The following CTNNA3 variants were observed in gnomAD, a reference collection of about 807,000 sequenced individuals.
CTNNA3 encodes the protein catenin alpha 3.
Under a neutral mutation model 95.7 loss-of-function variants are expected in CTNNA3, and 76 were observed. That is an observed-to-expected ratio of 0.79 (90% confidence interval 0.66 to 0.96). The LOEUF (loss-of-function observed/expected upper bound fraction) is 0.96. Among genes scored for constraint, CTNNA3 ranks in the 40% least tolerant of loss-of-function variants. CTNNA3 has a pLI of 0.00. For synonymous variants in CTNNA3, 431 were observed against 374.4 expected (o/e 1.15, Z -1.74); for missense variants, 1,191 against 1,089.8 (o/e 1.09, Z -1.31).
intron 7 of CTNNA3, among the ~76,000 whole-genome samples, chr10:67,059,577 C>G (rs1589677311): frequency 6.6e-6 from 1 of 152,190 alleles, no homozygotes; most frequent in Middle Eastern, 3.4e-3. Flanking sequence ...ATGACTGAGT[C>G]TTAAAGGATT....
chr10:66,718,176 C>T (rs551267402), intron 9 of CTNNA3, among the ~76,000 whole-genome samples: 27 of 151,072 alleles, frequency 1.8e-4, no homozygotes, highest in Admixed American at 1.5e-3. Flanking sequence ...CATTATCTAA[C>T]GCAGAATCCT....
chr10:67,426,565 CA>C (rs1275812894), intron 5 of CTNNA3, among the ~76,000 whole-genome samples: 1 of 151,980 alleles, frequency 6.6e-6, no homozygotes, highest in Admixed American at 6.6e-5. Flanking sequence ...GACAGAAAAC[CA>C]AACACCGCAT....
chr10:67,496,086 A>G (rs953176595), intron 5 of CTNNA3, among the ~76,000 whole-genome samples: 1 of 152,182 alleles, frequency 6.6e-6, no homozygotes, highest in Non-Finnish European at 1.5e-5. Context: ...TCTTATATCG[A>G]GCACCCTAGT....
chr10:67,336,086 A>G (rs1018332652), intron 5 of CTNNA3, among the ~76,000 whole-genome samples: 1 of 152,122 alleles, frequency 6.6e-6, no homozygotes, highest in Non-Finnish European at 1.5e-5. Context: ...GGCACCATGA[A>G]CAGCACCCAT....
chr10:66,581,793 T>C (rs1023686470), intron 10 of CTNNA3, among the ~76,000 whole-genome samples: 1 of 151,652 alleles, frequency 6.6e-6, no homozygotes, highest in Non-Finnish European at 1.5e-5. Flanking sequence ...GCTTCAGGTC[T>C]TTAGGTCTTT....
At chr10:66,240,118 G>T (rs2090040345) in intron 13 of CTNNA3, among the ~76,000 whole-genome samples, 1 of 151,826 alleles carries the variant, frequency 6.6e-6, no homozygotes, top group Non-Finnish European at 1.5e-5. Flanking sequence ...AATGGTAATT[G>T]ATATATCAGC....
intron 3 of CTNNA3, among the ~76,000 whole-genome samples, chr10:67,597,385 G>A (rs1362128928): frequency 8.5e-5 from 13 of 152,154 alleles, no homozygotes. Context: ...CATCTGTGTG[G>A]GTTGATGTTC....
At chr10:66,137,777 A>G (rs1388782375) in intron 13 of CTNNA3, among the ~76,000 whole-genome samples, 2 of 151,866 alleles carry the variant, frequency 1.3e-5, no homozygotes, top group Non-Finnish European at 2.9e-5. Flanking sequence ...CAAAATCCCG[A>G]CTCAACAAAA....
chr10:67,128,198 G>A (rs1006986363), intron 7 of CTNNA3, among the ~76,000 whole-genome samples: 1 of 152,000 alleles, frequency 6.6e-6, no homozygotes, highest in African/African-American at 2.4e-5. Context: ...ATTATTCTGG[G>A]TGTTTCTGTG....
intron 2 of CTNNA3, among the ~76,000 whole-genome samples, chr10:67,619,924 G>A (rs1018142950): frequency 2.0e-5 from 3 of 152,018 alleles, no homozygotes; most frequent in Non-Finnish European, 4.4e-5. Context: ...TAGAGAGAAG[G>A]TCAGCTTAGC....
At chr10:66,123,308 G>T (rs12769543) in intron 13 of CTNNA3, among the ~76,000 whole-genome samples, 1 of 152,224 alleles carries the variant, frequency 6.6e-6, no homozygotes, top group Admixed American at 6.5e-5. Context: ...AAACCTTAAA[G>T]CTCCAAAATG....
chr10:66,969,387 G>A (rs563060540), intron 7 of CTNNA3, among the ~76,000 whole-genome samples: 7 of 152,132 alleles, frequency 4.6e-5, no homozygotes, highest in African/African-American at 1.7e-4. Context: ...TAAAATGAAT[G>A]TGCAATAATT....
At chr10:66,220,697 G>C (rs1289376609) in intron 13 of CTNNA3, among the ~76,000 whole-genome samples, 1 of 152,152 alleles carries the variant, frequency 6.6e-6, no homozygotes, top group Non-Finnish European at 1.5e-5. Flanking sequence ...TGGGAAGCTG[G>C]AAAGGGAGGG....
chr10:66,469,443 A>G (rs1839047151), intron 11 of CTNNA3, among the ~76,000 whole-genome samples: 1 of 151,876 alleles, frequency 6.6e-6, no homozygotes, highest in African/African-American at 2.4e-5. Flanking sequence ...AGAGAACAAG[A>G]GTGGCACAAG....
intron 9 of CTNNA3, among the ~76,000 whole-genome samples, chr10:66,653,186 G>A (rs995583686): frequency 6.6e-6 from 1 of 152,044 alleles, no homozygotes; most frequent in African/African-American, 2.4e-5. Context: ...GCCCCTCTTT[G>A]CAGATCACAT....
intron 5 of CTNNA3, among the ~76,000 whole-genome samples, chr10:67,447,772 G>T (rs1371522050): frequency 6.6e-6 from 1 of 152,076 alleles, no homozygotes; most frequent in Non-Finnish European, 1.5e-5. Context: ...CCTGCTCATT[G>T]TCTGTCTTCT....
intron 7 of CTNNA3, among the ~76,000 whole-genome samples, chr10:66,943,956 G>T (rs901720690): frequency 6.6e-6 from 1 of 152,144 alleles, no homozygotes; most frequent in Non-Finnish European, 1.5e-5. Context: ...CTTTTTGCTG[G>T]TGTAGGGTCT....
At chr10:67,315,117 C>G (rs1038545682) in intron 5 of CTNNA3, among the ~76,000 whole-genome samples, 2 of 152,216 alleles carry the variant, frequency 1.3e-5, no homozygotes, top group African/African-American at 4.8e-5. Flanking sequence ...TTTTCTCCAT[C>G]TGTACTATCA....
intron 12 of CTNNA3, among the ~76,000 whole-genome samples, chr10:66,319,161 G>A (rs908157055): frequency 3.3e-5 from 5 of 151,978 alleles, no homozygotes; most frequent in African/African-American, 1.2e-4. Flanking sequence ...TAATAAAAAT[G>A]GGAATAATTA....
Sources: gnomAD v4.1 joint callset for allele counts (sites outside exome capture counted in the v4.1 genomes callset) on GRCh38, gnomAD v4.1.1 for gene constraint, MANE v1.5 for transcripts, NCBI Gene and HGNC (gene_info 2026-07-23, HGNC 2026-07-21) for gene names.